USP6NL: variants seen among roughly 807,000 people sequenced by gnomAD.
USP6NL encodes the protein USP6 N-terminal-like protein.
USP6NL carries 26 observed loss-of-function variants against 61.9 expected under a neutral mutation model. The observed-to-expected ratio is 0.42, with a 90% CI of 0.31 to 0.58. USP6NL has a LOEUF of 0.58. Ranked by LOEUF, USP6NL falls within the 20% of genes least tolerant of loss-of-function variation. The probability of loss-of-function intolerance (pLI) is 0.16; values close to 1 mark genes in which losing one functional copy is unlikely to be tolerated. For synonymous variants in USP6NL, 432 were observed against 390.1 expected, an observed-to-expected ratio of 1.11 and a Z score of -1.27; for missense variants, 1,114 against 1,034.3, an observed-to-expected ratio of 1.08 and a Z score of -1.06.
Position 11,485,956 on chromosome 10 carries a change from A to G in USP6NL, c.665-45T>C. On this transcript the variant is annotated intron_variant, in intron 10 of 14. Coordinates refer to ENST00000609104, the MANE Select transcript of USP6NL (RefSeq NM_014688.5). The surrounding 1 kb of genome is among the most constrained non-coding windows in gnomAD (Gnocchi z 4.8). ...ACAACATTTCATAAACAATACCAAC[A>G]AAACCCTCCAATCTTAAAACACAAC... 1 of 1,277,424 alleles carries G rather than the reference A, an allele frequency of 7.8e-7. No individual in the cohort carries two copies. Among genetic ancestry groups the G allele is most frequent in the Non-Finnish European group, 1.1e-6 (1 of 925,754 alleles). The allele number at this position is 1,277,424 out of a possible 1,614,324, so 79.1% of individuals were successfully genotyped here.
At position 11,580,834 on chromosome 10, in the gene USP6NL, G is replaced by A. The variant is rs532552829; in HGVS notation, c.4+16797C>T. 3.3e-5 allele frequency among the ~76,000 whole-genome samples: 5 copies of A among 152,146 alleles called. No individual in the cohort carries two copies. In the South Asian group the frequency reaches 8.3e-4, roughly 25 times the overall value. On this transcript the variant is annotated intron_variant, in intron 2 of 14. Coordinates refer to ENST00000609104, the MANE Select transcript of USP6NL (RefSeq NM_014688.5). ...CACTCGTTGGATGGATGGATTGATG[G>A]AGGAATGAATGGATGAATGACGAAC...
intron 1 of USP6NL, among the ~76,000 whole-genome samples, chr10:11,599,312 C>T (rs1448394634): frequency 6.6e-6 from 1 of 152,130 alleles, no homozygotes; most frequent in African/African-American, 2.4e-5. Flanking sequence ...TGACCAGGGA[C>T]TTTTCTCTTT....
rs113728126 is a variant in USP6NL, at chr10:11,500,348, A to G, written c.384+753T>C. Among the ~76,000 whole-genome samples the G allele has an allele frequency of 1.7e-3, 258 of 149,374 alleles. 3 individuals carry two copies. Among genetic ancestry groups the G allele is most frequent in the Non-Finnish European group, 1.2e-3 (79 of 67,010 alleles). Reference sequence around the variant, plus strand: ...CCTGAACTTAAAATAAAAGTTGAAGAAAAAAAAAACAGCAATTTTTATTTT... The same window carrying G: ...CCTGAACTTAAAATAAAAGTTGAAGGAAAAAAAAACAGCAATTTTTATTTT... On this transcript the variant is annotated intron_variant, in intron 7 of 14. Coordinates refer to ENST00000609104, the MANE Select transcript of USP6NL (RefSeq NM_014688.5).
At chr10:11,610,620 CT>C (rs76285323) in intron 1 of USP6NL, among the ~76,000 whole-genome samples, 1,809 of 143,532 alleles carry the variant, frequency 0.013, 30 homozygotes, top group African/African-American at 0.035. Context: ...GGCGTCCTCA[CT>C]TTTTTTTTTT....
At chr10:11,590,769 A>C (rs942146861) in intron 2 of USP6NL, among the ~76,000 whole-genome samples, 3 of 151,966 alleles carry the variant, frequency 2.0e-5, no homozygotes, top group Admixed American at 2.0e-4. Context: ...TCCCCTCTGA[A>C]CTCTGGCTGC....
intron 6 of USP6NL, among the ~76,000 whole-genome samples, chr10:11,502,197 T>C (rs1001787038): frequency 4.0e-5 from 6 of 150,252 alleles, no homozygotes; most frequent in African/African-American, 1.5e-4. Flanking sequence ...AGGCAGAGCT[T>C]GCAGTGAGCC....
Position 11,574,647 on chromosome 10 carries a change from T to C in USP6NL, c.4+22984A>G. On this transcript the variant is annotated intron_variant, in intron 2 of 14. Transcript: ENST00000609104. This position sits in a 1 kb window ranked among gnomAD's most constrained non-coding sequence, Gnocchi z 4.3. ...ATTAAACTGATTCTCCACCAGCAAT[T>C]TGTTCCTCTTACTGTACTGCCAATT... 6.6e-6 allele frequency among the ~76,000 whole-genome samples: 1 copy of C among 152,196 alleles called. No homozygotes were observed. Among genetic ancestry groups the C allele is most frequent in the Non-Finnish European group, 1.5e-5 (1 of 68,022 alleles).
intron 5 of USP6NL, among the ~76,000 whole-genome samples, chr10:11,512,590 C>G (rs571433600): frequency 6.6e-6 from 1 of 152,316 alleles, no homozygotes; most frequent in East Asian, 1.9e-4. Context: ...GAATGTGGCC[C>G]CAATTCACCT....
At chr10:11,516,592 T>C (rs562890237) in intron 5 of USP6NL, among the ~76,000 whole-genome samples, 1 of 152,126 alleles carries the variant, frequency 6.6e-6, no homozygotes, top group South Asian at 2.1e-4. Context: ...ACCAAAACTG[T>C]AAAAGGCAAG....
chr10:11,480,497 T>C, intron 14 of USP6NL, among the ~76,000 whole-genome samples: 1 of 152,174 alleles, frequency 6.6e-6, no homozygotes, highest in East Asian at 1.9e-4. Context: ...ACAGAAGTCA[T>C]TACACTGAAC....
At chr10:11,573,548 T>C in intron 2 of USP6NL, 1 of 398,610 alleles carries the variant, frequency 2.5e-6, no homozygotes, top group East Asian at 3.6e-5. Context: ...CTTGGGTCCA[T>C]ACTTAGCAAA....
At chr10:11,582,267 A>AT (rs1202476011) in intron 2 of USP6NL, among the ~76,000 whole-genome samples, 1 of 152,096 alleles carries the variant, frequency 6.6e-6, no homozygotes, top group Non-Finnish European at 1.5e-5. Context: ...CGCCCAGCCA[A>AT]TTTTTTTATT....
In USP6NL at chr10:11,550,769, A is replaced by AT. The variant is rs201091362; in HGVS notation, c.5-23203dup. Reference sequence around the variant, plus strand: ...AGACTCCGTCTCAAAAAATAAATAAATAAAAACAAAATAATAAAAAAAATT... The same window carrying AT: ...AGACTCCGTCTCAAAAAATAAATAAATTAAAAACAAAATAATAAAAAAAATT... On this transcript the variant is annotated intron_variant, in intron 2 of 14. Coordinates refer to ENST00000609104, the MANE Select transcript of USP6NL (RefSeq NM_014688.5). 3.4e-3 allele frequency among the ~76,000 whole-genome samples: 517 copies of AT among 152,096 alleles called. 2 individuals are homozygous for AT. The highest frequency in any genetic ancestry group is 0.012 in the African/African-American group (504 of 41,480).
chr10:11,504,686 C>T (rs2081303911), intron 6 of USP6NL, among the ~76,000 whole-genome samples: 1 of 152,220 alleles, frequency 6.6e-6, no homozygotes, highest in Non-Finnish European at 1.5e-5. Flanking sequence ...GTGGCCAACG[C>T]TTATGAGGTT....
At chr10:11,475,158 G>T (rs888554215) in intron 14 of USP6NL, among the ~76,000 whole-genome samples, 7 of 152,094 alleles carry the variant, frequency 4.6e-5, no homozygotes, top group African/African-American at 1.7e-4. Flanking sequence ...GACAGCATGG[G>T]GGAAAACCAG....
At chr10:11,608,768 T>A (rs962637727) in intron 1 of USP6NL, among the ~76,000 whole-genome samples, 6 of 152,218 alleles carry the variant, frequency 3.9e-5, no homozygotes, top group Non-Finnish European at 8.8e-5. Context: ...ACGTTTGAAT[T>A]TACGATCCTC....
rs187217745 is a variant in USP6NL, at chr10:11,611,427, G to A, written c.-84+16C>T. 1 of 152,490 alleles carries A rather than the reference G, an allele frequency of 6.6e-6. No homozygotes were observed. Among genetic ancestry groups the A allele is most frequent in the African/African-American group, 2.4e-5 (1 of 41,314 alleles). 9.4% of individuals were successfully genotyped at this position (152,490 alleles called of 1,614,324 possible). Reference sequence around the variant, plus strand: ...CCGCCGGCCCCTCACGGCGGGAGCTGAGGAATGGAAGTTACCTCAGTACGG... The same window carrying A: ...CCGCCGGCCCCTCACGGCGGGAGCTAAGGAATGGAAGTTACCTCAGTACGG... On this transcript the variant is annotated intron_variant, in intron 1 of 14. Coordinates refer to ENST00000609104, the MANE Select transcript of USP6NL (RefSeq NM_014688.5). The surrounding 1 kb of genome is among the most constrained non-coding windows in gnomAD (Gnocchi z 5.3).
rs560187139 is a variant in USP6NL at position 11,598,807 on chromosome 10, C to A, written c.-83-1090G>T. Among the ~76,000 whole-genome samples, 1 of 152,320 alleles carries A rather than the reference C, an allele frequency of 6.6e-6. No homozygotes were observed. The highest frequency in any genetic ancestry group is 2.1e-4 in the South Asian group (1 of 4,824). On this transcript the variant is annotated intron_variant, in intron 1 of 14. Coordinates refer to ENST00000609104, the MANE Select transcript of USP6NL (RefSeq NM_014688.5). The surrounding 1 kb of genome is among the most constrained non-coding windows in gnomAD (Gnocchi z 4.7). The stretch of plus-strand genomic sequence containing the variant: ...TTGCCACATCTATATACTGTACTTG[C>A]GTCATGTAATATACATGAGAAGTAT...
In USP6NL at chr10:11,463,728, G is replaced by A. The variant is rs779676650; in HGVS notation, c.1200C>T (p.Ser400=). ...GGGGCGCCCCGCTCTCCCTCCTGCCGCTGGCCAGCGGGCTCGGCCGGCCCA... is the reference window on the plus strand; with the variant it reads ...GGGGCGCCCCGCTCTCCCTCCTGCCACTGGCCAGCGGGCTCGGCCGGCCCA... ...RSVGRPSPLA[S]GRRESGAPHR... The change falls in exon 15 of 15, where the codon AGC becomes AGT. Residue 400 remains serine (S), a synonymous_variant. Coordinates refer to ENST00000609104, the MANE Select transcript of USP6NL (RefSeq NM_014688.5). The surrounding 1 kb of genome is among the most constrained non-coding windows in gnomAD (Gnocchi z 6.3). The A allele has an allele frequency of 3.0e-5, 48 of 1,607,362 alleles. No homozygotes were observed. The highest frequency in any genetic ancestry group is 3.9e-5 in the Non-Finnish European group (46 of 1,176,094).
Sources: gnomAD v4.1 joint callset for allele counts (sites outside exome capture counted in the v4.1 genomes callset) on GRCh38, gnomAD v4.1.1 for gene constraint, Gnocchi (gnomAD v3.1) non-coding constraint, MANE v1.5 for transcripts, NCBI Gene and HGNC (gene_info 2026-07-23, HGNC 2026-07-21) for gene names.